NOX4: variants seen among roughly 807,000 people sequenced by gnomAD.
NOX4 encodes the protein NADPH oxidase 4.
A neutral mutation model predicts 87.6 loss-of-function variants in NOX4; 69 were observed. The observed-to-expected ratio is 0.79, with a 90% confidence interval of 0.65 to 0.96. The LOEUF (loss-of-function observed/expected upper bound fraction) is 0.96. NOX4 is among the 40% of genes least tolerant of loss of function. The pLI is 0.00. For synonymous variants in NOX4, 275 were observed against 238.2 expected (o/e 1.15, Z -1.42); for missense variants, 680 against 681.5 (o/e 1.00, Z 0.02).
chr11:89,473,645 C>T (rs973346176), intron 2 of NOX4, among the ~76,000 whole-genome samples: 4 of 152,084 alleles, frequency 2.6e-5, no homozygotes, highest in Admixed American at 2.6e-4. Context: ...GTCTATTTTA[C>T]TCCTCCTGAA....
chr11:89,503,586 T>C, the NOX4 span, among the ~76,000 whole-genome samples: 1 of 151,802 alleles, frequency 6.6e-6, no homozygotes, highest in Non-Finnish European at 1.5e-5. Flanking sequence ...AGAGGTATTC[T>C]GATATATTGG....
chr11:89,391,057 T>C (rs1308864957), intron 11 of NOX4, among the ~76,000 whole-genome samples: 1 of 152,188 alleles, frequency 6.6e-6, no homozygotes, highest in African/African-American at 2.4e-5. Flanking sequence ...AGCTAGGTCC[T>C]GAACTCTATA....
intron 11 of NOX4, among the ~76,000 whole-genome samples, chr11:89,397,206 T>A (rs948352514): frequency 1.3e-5 from 2 of 152,098 alleles, no homozygotes; most frequent in Non-Finnish European, 2.9e-5. Context: ...AACAAACTGC[T>A]CCTGAATGAC....
the NOX4 span, among the ~76,000 whole-genome samples, chr11:89,563,119 CTT>C: frequency 6.6e-6 from 1 of 152,168 alleles, no homozygotes; most frequent in Non-Finnish European, 1.5e-5. Context: ...AATTTAACCT[CTT>C]TTGTTTATAA....
chr11:89,487,500 T>C (rs2135489511), intron 2 of NOX4, among the ~76,000 whole-genome samples: 1 of 152,328 alleles, frequency 6.6e-6, no homozygotes, highest in Non-Finnish European at 1.5e-5. Context: ...AACTTTATAC[T>C]CAAAGCTATT....
intron 2 of NOX4, among the ~76,000 whole-genome samples, chr11:89,484,160 T>TATTAAAAAATA (rs1946497044): frequency 6.6e-6 from 1 of 152,124 alleles, no homozygotes; most frequent in African/African-American, 2.4e-5. Flanking sequence ...AATAAAGATT[T>TATTAAAAAATA]GACTATCTTT....
At chr11:89,408,412 G>C (rs978913819) in intron 8 of NOX4, among the ~76,000 whole-genome samples, 1 of 152,156 alleles carries the variant, frequency 6.6e-6, no homozygotes, top group Non-Finnish European at 1.5e-5. Flanking sequence ...CAGTTATTAA[G>C]TAACAGACAG....
intron 11 of NOX4, among the ~76,000 whole-genome samples, chr11:89,387,550 G>T (rs527460987): frequency 6.6e-6 from 1 of 152,084 alleles, no homozygotes; most frequent in African/African-American, 2.4e-5. Flanking sequence ...TCACAGGGAC[G>T]CATGTGACAG....
At chr11:89,548,948 C>T in the NOX4 span, among the ~76,000 whole-genome samples, 1 of 152,126 alleles carries the variant, frequency 6.6e-6, no homozygotes, top group Non-Finnish European at 1.5e-5. Flanking sequence ...CCCTATCAAA[C>T]AGGGAAAAAA....
At chr11:89,407,377 T>C (rs181139010) in intron 8 of NOX4, among the ~76,000 whole-genome samples, 2 of 152,210 alleles carry the variant, frequency 1.3e-5, no homozygotes, top group Admixed American at 6.6e-5. Context: ...GCACAGACTA[T>C]GTGGAAATAT....
chr11:89,513,417 A>C, the NOX4 span, among the ~76,000 whole-genome samples: 1 of 152,052 alleles, frequency 6.6e-6, no homozygotes, highest in African/African-American at 2.4e-5. Flanking sequence ...CTCACTGAAA[A>C]CCAAATAACA....
intron 6 of NOX4, among the ~76,000 whole-genome samples, chr11:89,435,119 T>C (rs191041203): frequency 2.9e-3 from 447 of 152,214 alleles, no homozygotes; most frequent in Non-Finnish European, 4.7e-3. Context: ...GTATAATTAG[T>C]GTACTTCAAT....
intron 17 of NOX4, among the ~76,000 whole-genome samples, chr11:89,333,180 C>A (rs116367704): frequency 0.029 from 4,405 of 151,730 alleles, 205 homozygotes; most frequent in African/African-American, 0.1. Flanking sequence ...GTTATTCATA[C>A]TCTAGAATAC....
the NOX4 span, among the ~76,000 whole-genome samples, chr11:89,519,707 C>T: frequency 2.6e-5 from 4 of 152,002 alleles, no homozygotes; most frequent in East Asian, 1.9e-4. Context: ...CAGTGAAGAA[C>T]GGAACTATCT....
chr11:89,526,671 C>T, the NOX4 span, among the ~76,000 whole-genome samples: 3 of 152,144 alleles, frequency 2.0e-5, no homozygotes, highest in African/African-American at 7.2e-5. Flanking sequence ...TTCCCTGGCA[C>T]TTCTCTTTCC....
At chr11:89,505,648 G>A in the NOX4 span, among the ~76,000 whole-genome samples, 1 of 151,670 alleles carries the variant, frequency 6.6e-6, no homozygotes, top group African/African-American at 2.4e-5. Flanking sequence ...AACATCTTGT[G>A]GTATTTGATG....
chr11:89,532,474 G>A, the NOX4 span, among the ~76,000 whole-genome samples: 1 of 152,146 alleles, frequency 6.6e-6, no homozygotes. Context: ...CATTTGGAAT[G>A]GGAGCACTTA....
chr11:89,428,633 G>A (rs1191052677), intron 7 of NOX4, among the ~76,000 whole-genome samples: 2 of 151,990 alleles, frequency 1.3e-5, no homozygotes, highest in African/African-American at 4.8e-5. Flanking sequence ...ATTACATAAT[G>A]GTAAAGGGAT....
intron 11 of NOX4, among the ~76,000 whole-genome samples, chr11:89,379,841 A>G (rs1453530122): frequency 2.0e-5 from 3 of 152,154 alleles, no homozygotes; most frequent in Non-Finnish European, 4.4e-5. Context: ...CCTGGTCAAA[A>G]TCATCATCAT....
Sources: allele counts gnomAD v4.1 joint callset (sites outside exome capture counted in the v4.1 genomes callset), GRCh38; gene constraint gnomAD v4.1.1; transcripts MANE v1.5; gene names NCBI Gene and HGNC (gene_info 2026-07-23, HGNC 2026-07-21).